The following PHACTR2 variants were observed in gnomAD, a reference collection of about 807,000 sequenced individuals.
PHACTR2 encodes chromosome 6 open reading frame 56.
PHACTR2 carries 30 observed loss-of-function variants against 76.0 expected under a neutral mutation model. That is an observed-to-expected ratio of 0.39 (90% CI 0.30 to 0.54). PHACTR2 has a LOEUF of 0.54. PHACTR2 is among the 20% of genes least tolerant of loss of function. The probability of loss-of-function intolerance (pLI) is 0.61; values close to 1 mark genes in which losing one functional copy is unlikely to be tolerated. For synonymous variants in PHACTR2, 292 were observed against 292.5 expected, an observed-to-expected ratio of 1.00 and a Z score of 0.02; for missense variants, 696 against 781.1, an observed-to-expected ratio of 0.89 and a Z score of 1.30.
At chr6:143,565,760 G>C (rs1164697379) in intron 1 of PHACTR2, among the ~76,000 whole-genome samples, 1 of 152,110 alleles carries the variant, frequency 6.6e-6, no homozygotes, top group African/African-American at 2.4e-5. Context: ...GGGTAAAGGA[G>C]GTAGGAGGGC....
At chr6:143,584,228 T>G (rs1000650941) in intron 1 of PHACTR2, among the ~76,000 whole-genome samples, 2 of 152,142 alleles carry the variant, frequency 1.3e-5, no homozygotes, top group African/African-American at 4.8e-5. Context: ...TGGTTGTACT[T>G]TTGGAGGCCC....
At position 143,811,366 on chromosome 6, in the gene PHACTR2, C is replaced by G. The variant is rs1400456657; in HGVS notation, c.1922+4233C>G. On this transcript the variant is annotated intron_variant, in intron 12 of 12. Transcript: ENST00000440869. This position sits in a 1 kb window ranked among gnomAD's most constrained non-coding sequence, Gnocchi z 4.1. The stretch of plus-strand genomic sequence containing the variant: ...TATATTTGATGGGGCATTTTTTCAC[C>G]CTCAAAATTCTATTGGCTATTTTTT... Among the ~76,000 whole-genome samples, 1 of 151,956 alleles carries G rather than the reference C, an allele frequency of 6.6e-6. No homozygotes were observed. The highest frequency in any genetic ancestry group is 1.5e-5 in the Non-Finnish European group (1 of 67,986).
chr6:143,756,953 G>A (rs1209985151), intron 4 of PHACTR2, among the ~76,000 whole-genome samples: 1 of 151,784 alleles, frequency 6.6e-6, no homozygotes, highest in Non-Finnish European at 1.5e-5. Context: ...AGCTGAGGCA[G>A]GGAGAATTGC....
intron 4 of PHACTR2, among the ~76,000 whole-genome samples, chr6:143,759,323 C>T (rs1779376189): frequency 6.6e-6 from 1 of 152,268 alleles, no homozygotes; most frequent in Non-Finnish European, 1.5e-5. Context: ...AGTATTTCTT[C>T]GATTCGGCAC....
intron 1 of PHACTR2, among the ~76,000 whole-genome samples, chr6:143,563,062 C>T (rs60995699): frequency 0.094 from 14,225 of 152,032 alleles, 784 homozygotes; most frequent in African/African-American, 0.15. Context: ...GGTGAATGTA[C>T]GTAATGCCAC....
rs201169525 is a variant in PHACTR2 at position 143,738,755 on chromosome 6, C to CAA, written c.215-10221_215-10220dup. Among the ~76,000 whole-genome samples, 385 of 139,754 alleles carry CAA rather than the reference C, an allele frequency of 2.8e-3. 4 individuals are homozygous for CAA. The East Asian group carries it at 0.039, about 14-fold the overall frequency. 91.7% of individuals were successfully genotyped at this position (139,754 alleles called of 152,430 possible). On this transcript the variant is annotated intron_variant, in intron 2 of 12. Transcript: ENST00000440869. The surrounding 1 kb of genome is among the most constrained non-coding windows in gnomAD (Gnocchi z 4.0). ...TGGGTGATAGAGCAGGACCTTGTCT[C>CAA]AAAAAAAAAAGAAAGAAAGAAAGAA...
Position 143,549,672 on chromosome 6 carries a change from C to T in PHACTR2, c.217+12465C>T, listed in dbSNP as rs1283885314. On this transcript the variant is annotated intron_variant, in intron 1 of 11. Transcript: ENST00000367584. This position sits in a 1 kb window ranked among gnomAD's most constrained non-coding sequence, Gnocchi z 4.2. ...AATCTGTAAGCAAATGTCCCTGTTC[C>T]ACCTCCCCTTCCTGAGCTGCCTGGC... is the stretch of plus-strand genomic sequence containing the variant. Among the ~76,000 whole-genome samples, 2 of 151,964 alleles carry T rather than the reference C, an allele frequency of 1.3e-5. No homozygotes were observed. The highest frequency in any genetic ancestry group is 2.9e-5 in the Non-Finnish European group (2 of 67,940).
At chr6:143,626,536 C>CAAAAAAAAAAAA (rs35107482) in intron 1 of PHACTR2, among the ~76,000 whole-genome samples, 2 of 122,334 alleles carry the variant, frequency 1.6e-5, no homozygotes, top group African/African-American at 6.6e-5. Flanking sequence ...GACTCCGTCT[C>CAAAAAAAAAAAA]AAAAAAAAAA....
At chr6:143,746,968 G>A (rs939029326) in intron 2 of PHACTR2, among the ~76,000 whole-genome samples, 11 of 152,264 alleles carry the variant, frequency 7.2e-5, no homozygotes, top group East Asian at 1.9e-4. Context: ...AGGAAGGGAG[G>A]GAAGCCTTCT....
intron 2 of PHACTR2, among the ~76,000 whole-genome samples, chr6:143,715,141 A>G (rs1037632496): frequency 3.9e-5 from 6 of 152,192 alleles, no homozygotes; most frequent in African/African-American, 7.2e-5. Context: ...CAAGCCTCCG[A>G]ACCATTAAAT....
At chr6:143,805,370 T>A (rs1355321929) in intron 11 of PHACTR2, among the ~76,000 whole-genome samples, 1 of 150,870 alleles carries the variant, frequency 6.6e-6, no homozygotes, top group Non-Finnish European at 1.5e-5. Context: ...TCCCAGCTGC[T>A]CGGGAGGCTG....
rs1396065261 is a variant in PHACTR2 at position 143,807,383 on chromosome 6, A to T, written c.1922+250A>T. 6.6e-6 allele frequency among the ~76,000 whole-genome samples: 1 copy of T among 152,274 alleles called. No homozygotes were observed. The highest frequency in any genetic ancestry group is 2.4e-5 in the African/African-American group (1 of 41,478). On this transcript the variant is annotated intron_variant, in intron 12 of 12. Coordinates refer to ENST00000440869, the MANE Select transcript of PHACTR2 (RefSeq NM_001100164.2). This position sits in a 1 kb window ranked among gnomAD's most constrained non-coding sequence, Gnocchi z 5.5. ...ACAGTTTTAAAGATATGACTAGATA[A>T]GATTGTAAATTTCTAGAATTTCATA...
chr6:143,695,725 T>C lies in PHACTR2; in HGVS notation c.47-16291T>C, dbSNP rs1273931226. Among the ~76,000 whole-genome samples the C allele has an allele frequency of 1.3e-5, 2 of 152,228 alleles. No individual in the cohort carries two copies. The highest frequency in any genetic ancestry group is 6.5e-5 in the Admixed American group (1 of 15,286). ...ATCCTCTGGGACTTTGTCATCTACA[T>C]TGAATTTATAGGTGGTCTTTACTTA... On this transcript the variant is annotated intron_variant, in intron 1 of 12. Coordinates refer to ENST00000440869, the MANE Select transcript of PHACTR2 (RefSeq NM_001100164.2). This position sits in a 1 kb window ranked among gnomAD's most constrained non-coding sequence, Gnocchi z 4.4.
intron 6 of PHACTR2, among the ~76,000 whole-genome samples, chr6:143,769,915 T>C (rs936541636): frequency 6.6e-6 from 1 of 152,134 alleles, no homozygotes; most frequent in African/African-American, 2.4e-5. Context: ...TTATTTAAGA[T>C]GAGATTTCAC....
intron 11 of PHACTR2, among the ~76,000 whole-genome samples, chr6:143,798,764 G>A (rs1006474643): frequency 1.3e-5 from 2 of 152,204 alleles, no homozygotes; most frequent in Non-Finnish European, 2.9e-5. Flanking sequence ...TCAGCTTTTT[G>A]ATGTTCTGCT....
chr6:143,782,644 A>G lies in PHACTR2; in HGVS notation c.1646-575A>G, dbSNP rs1775457812. ...CCCAGAGTACATCATAACCTCATTT[A>G]GAACATTCTGGTTTGAAAGCAAAGT... On this transcript the variant is annotated intron_variant, in intron 9 of 12. Coordinates refer to ENST00000440869, the MANE Select transcript of PHACTR2 (RefSeq NM_001100164.2). The surrounding 1 kb of genome is among the most constrained non-coding windows in gnomAD (Gnocchi z 4.6). Among the ~76,000 whole-genome samples, 2 of 152,240 alleles carry G rather than the reference A, an allele frequency of 1.3e-5. No individual in the cohort carries two copies. The highest frequency in any genetic ancestry group is 4.8e-5 in the African/African-American group (2 of 41,464).
At chr6:143,694,884 CTT>C (rs1484385383) in intron 1 of PHACTR2, among the ~76,000 whole-genome samples, 3 of 152,182 alleles carry the variant, frequency 2.0e-5, no homozygotes, top group African/African-American at 7.2e-5. Context: ...TCACAGGAAA[CTT>C]TTAACTGGTG....
intron 2 of PHACTR2, among the ~76,000 whole-genome samples, chr6:143,725,652 T>C (rs900838054): frequency 6.6e-6 from 1 of 150,832 alleles, no homozygotes; most frequent in African/African-American, 2.4e-5. Context: ...CTGGCCAATA[T>C]GGTGAAACCC....
In PHACTR2 at chr6:143,680,699, A is replaced by G. The variant is rs1777372094; in HGVS notation, c.46+2490A>G. On this transcript the variant is annotated intron_variant, in intron 1 of 12. Coordinates refer to ENST00000440869, the MANE Select transcript of PHACTR2 (RefSeq NM_001100164.2). The surrounding 1 kb of genome is among the most constrained non-coding windows in gnomAD (Gnocchi z 4.5). ...TATAAAATTCACCCATGGAAAGTGTACAGTTCATTGTTTTTCAGTGTGTTC... is the reference window on the plus strand; with the variant it reads ...TATAAAATTCACCCATGGAAAGTGTGCAGTTCATTGTTTTTCAGTGTGTTC... Among the ~76,000 whole-genome samples, 1 of 152,208 alleles carries G rather than the reference A, an allele frequency of 6.6e-6. No homozygotes were observed. The highest frequency in any genetic ancestry group is 2.1e-4 in the South Asian group (1 of 4,832).
Sources: gnomAD v4.1 joint callset for allele counts (sites outside exome capture counted in the v4.1 genomes callset) on GRCh38, gnomAD v4.1.1 for gene constraint, Gnocchi (gnomAD v3.1) non-coding constraint, MANE v1.5 for transcripts, NCBI Gene and HGNC (gene_info 2026-07-23, HGNC 2026-07-21) for gene names.